NCLN: variants seen among roughly 807,000 people sequenced by gnomAD.
NCLN encodes the protein nicalin, also known as BOS complex subunit NCLN.
Under a neutral mutation model 69.5 loss-of-function variants are expected in NCLN, and 34 were observed. The ratio of observed to expected loss-of-function variants is 0.49; its 90% CI spans 0.37 to 0.65. NCLN has a LOEUF of 0.65. NCLN is among the 30% of genes least tolerant of loss of function. The pLI, the probability that NCLN is intolerant of heterozygous loss-of-function variation, is 0.00. For synonymous variants in NCLN, 393 were observed against 358.3 expected (o/e 1.10, Z -1.09); for missense variants, 710 against 804.8 (o/e 0.88, Z 1.42).
intron 1 of NCLN, among the ~76,000 whole-genome samples, chr19:3,189,670 G>A (rs950087360): frequency 1.3e-5 from 2 of 152,264 alleles, no homozygotes; most frequent in African/African-American, 4.8e-5. Context: ...TGAGGGAGTT[G>A]GTGCTGGTTT....
At position 3,207,962 on chromosome 19, in the gene NCLN, C is replaced by G. The variant is rs908665211; in HGVS notation, c.*274C>G. On this transcript the variant is annotated 3_prime_UTR_variant, in exon 15 of 15. Transcript: ENST00000246117. ...GCTACGGACTTGCGGACGAGCCCCC[C>G]AGTCCTGGGAGCCGGCCGCCCTCGG... is the stretch of plus-strand genomic sequence containing the variant. 3.0e-5 allele frequency: 15 copies of G among 492,328 alleles called. No individual in the cohort carries two copies. Among genetic ancestry groups the G allele is most frequent in the African/African-American group, 1.6e-4 (8 of 51,506 alleles). The allele number at this position is 492,328 out of a possible 1,614,324, so 30.5% of individuals were successfully genotyped here.
At chr19:3,198,515 A>C (rs1916032615) in intron 4 of NCLN, among the ~76,000 whole-genome samples, 1 of 150,900 alleles carries the variant, frequency 6.6e-6, no homozygotes, top group South Asian at 2.1e-4. Flanking sequence ...TCAAAAAAAA[A>C]AAAAAAAACA....
chr19:3,193,755 C>T, intron 3 of NCLN, among the ~76,000 whole-genome samples: 1 of 152,220 alleles, frequency 6.6e-6, no homozygotes, highest in East Asian at 1.9e-4. Flanking sequence ...GGCATCTGTT[C>T]AGTTCTCTAC....
intron 3 of NCLN, among the ~76,000 whole-genome samples, chr19:3,195,137 T>G (rs56971413): frequency 0.51 from 76,243 of 150,044 alleles, 20,103 homozygotes; most frequent in East Asian, 0.91. Flanking sequence ...AGCTGAGATC[T>G]TGCCATTGCA....
chr19:3,198,614 C>T (rs982553183), intron 4 of NCLN, among the ~76,000 whole-genome samples: 2 of 152,236 alleles, frequency 1.3e-5, no homozygotes, highest in African/African-American at 4.8e-5. Flanking sequence ...GTCCCTGTTC[C>T]CGGCTCTACC....
intron 7 of NCLN, 54 bp from the exon 8 acceptor site, chr19:3,203,951 C>T (rs996367703): frequency 8.4e-6 from 13 of 1,546,146 alleles, no homozygotes; most frequent in Non-Finnish European, 1.0e-5. Context: ...AGAGGGAGGG[C>T]CGGGGGCCAC....
Position 3,207,375 on chromosome 19 carries a change from C to T in NCLN, c.1554-16C>T, listed in dbSNP as rs370056814. Reference sequence around the variant, plus strand: ...GCGCACCATCCTCGACCTCAGGGACCCTGCTTTCTCCACAGAGTCAAGCCG... The same window carrying T: ...GCGCACCATCCTCGACCTCAGGGACTCTGCTTTCTCCACAGAGTCAAGCCG... On this transcript the variant is annotated splice_polypyrimidine_tract_variant and intron_variant, in intron 13 of 14. Transcript: ENST00000246117. 46 of 1,612,962 alleles carry T rather than the reference C, an allele frequency of 2.9e-5. No homozygotes were observed. Among genetic ancestry groups the T allele is most frequent in the Non-Finnish European group, 3.7e-5 (44 of 1,179,964 alleles).
chr19:3,189,356 G>A (rs771526967), intron 1 of NCLN, among the ~76,000 whole-genome samples: 1 of 152,256 alleles, frequency 6.6e-6, no homozygotes, highest in Non-Finnish European at 1.5e-5. Flanking sequence ...ACTGCAGCCT[G>A]TAGGTCACGT....
At chr19:3,192,759 C>A in intron 2 of NCLN, 99 bp downstream of exon 2, 1 of 1,139,784 alleles carries the variant, frequency 8.8e-7, no homozygotes, top group Non-Finnish European at 1.2e-6. Context: ...CCTCTCTGAG[C>A]CCTTTGGAAA....
intron 6 of NCLN, 108 bp from the exon 7 acceptor site, chr19:3,203,647 GC>G: frequency 2.1e-6 from 2 of 974,034 alleles, no homozygotes; most frequent in African/African-American, 3.3e-5. Context: ...AGGATTTCCT[GC>G]TTTGGGGAGA....
chr19:3,201,495 T>C (rs2144912573), intron 5 of NCLN, 28 bp from the exon 6 acceptor site: 1 of 1,519,222 alleles, frequency 6.6e-7, no homozygotes, highest in Non-Finnish European at 8.8e-7. Flanking sequence ...CGGGGGTGAC[T>C]GTGGCCTTGC....
rs138909623 is a variant in NCLN at position 3,192,501 on chromosome 19, G to A, written c.216G>A (p.Ala72=). 5.4e-5 allele frequency: 87 copies of A among 1,607,142 alleles called. No individual in the cohort carries two copies. The highest frequency in any genetic ancestry group is 6.4e-5 in the Non-Finnish European group (75 of 1,177,960). Residue 72 remains alanine, a synonymous_variant, in exon 2 of 15, where the codon GCG becomes GCA. Coordinates refer to ENST00000246117, the MANE Select transcript of NCLN (RefSeq NM_020170.4). The part of the protein sequence containing the change: ...GTRNAVLNTE[A]RTMAAEVLSR... ...GGAATGCAGTGCTGAACACGGAGGCGCGCACGATGGCGGCGGAGGTGCTGA... is the reference window on the plus strand; with the variant it reads ...GGAATGCAGTGCTGAACACGGAGGCACGCACGATGGCGGCGGAGGTGCTGA...
At chr19:3,190,747 GCGT>G (rs1568309617) in intron 1 of NCLN, among the ~76,000 whole-genome samples, 3 of 148,624 alleles carry the variant, frequency 2.0e-5, no homozygotes, top group African/African-American at 7.9e-5. Context: ...CGGCCCCCCT[GCGT>G]CAGGCCTGTA....
intron 6 of NCLN, among the ~76,000 whole-genome samples, chr19:3,202,470 C>T (rs1248440733): frequency 6.6e-6 from 1 of 152,202 alleles, no homozygotes; most frequent in African/African-American, 2.4e-5. Flanking sequence ...GACTGTGTCT[C>T]CTGTGCGGGG....
Position 3,192,473 on chromosome 19 carries a change from C to T in NCLN, c.188C>T (p.Thr63Ile). ...GACCCCGCCCCTGTGCCCACAGGCACACGGAATGCAGTGCTGAACACGGAG... is the reference window on the plus strand; with the variant it reads ...GACCCCGCCCCTGTGCCCACAGGCATACGGAATGCAGTGCTGAACACGGAG... Reference protein sequence around the residue: ...QYDLQGQPYGTRNAVLNTEAR... With the variant: ...QYDLQGQPYGIRNAVLNTEAR... The change falls in exon 2 of 15, where the codon ACA (threonine) becomes ATA (isoleucine). Residue 63 changes from threonine to isoleucine, a missense_variant. Physicochemically the swap from Thr to Ile is moderately conservative, Grantham distance 89 (BLOSUM62 -1). Coordinates refer to ENST00000246117, the MANE Select transcript of NCLN (RefSeq NM_020170.4). The T allele has an allele frequency of 1.3e-6, 2 of 1,592,590 alleles. No individual in the cohort carries two copies. The highest frequency in any genetic ancestry group is 1.7e-6 in the Non-Finnish European group (2 of 1,172,868).
At position 3,207,652 on chromosome 19, in the gene NCLN, C is replaced by G. The variant is rs552309078; in HGVS notation, c.1656C>G (p.Thr552=). The G allele has an allele frequency of 3.1e-6, 5 of 1,612,962 alleles. No homozygotes were observed. The Admixed American group carries it at 6.7e-5, about 21-fold the overall frequency. The change falls in exon 15 of 15, where the codon ACC becomes ACG. Residue 552 remains threonine, a synonymous_variant. Transcript: ENST00000246117. ...AVQHFSLLYK[T]VQRLLVKAKT... ...AGCACTTCAGCCTCCTCTACAAGAC[C>G]GTCCAGAGGCTGCTCGTGAAGGCCA...
chr19:3,204,090 C>T lies in NCLN; in HGVS notation c.975C>T (p.Ser325=), dbSNP rs764110220. ...GCAGCAGCCTGCACCTGCACGTGTCCAAGCCGCCTCGGGAGGGCACCCTGC... is the reference window on the plus strand; with the variant it reads ...GCAGCAGCCTGCACCTGCACGTGTCTAAGCCGCCTCGGGAGGGCACCCTGC... ...GRGSSLHLHV[S]KPPREGTLQH... Residue 325 remains serine (S), a synonymous_variant, in exon 8 of 15, where the codon TCC becomes TCT. Transcript: ENST00000246117. The T allele has an allele frequency of 3.3e-6, 5 of 1,536,200 alleles. No individual in the cohort carries two copies. Among genetic ancestry groups the T allele is most frequent in the Non-Finnish European group, 4.4e-6 (5 of 1,143,598 alleles).
chr19:3,204,729 C>A lies in NCLN; in HGVS notation c.1186C>A (p.Arg396Ser). The A allele has an allele frequency of 1.3e-6, 2 of 1,564,770 alleles. No individual in the cohort carries two copies. The highest frequency in any genetic ancestry group is 8.7e-7 in the Non-Finnish European group (1 of 1,154,592). Residue 396 changes from arginine to serine, a missense_variant, in exon 9 of 15, where the codon CGC (arginine) becomes AGC (serine). Transcript: ENST00000246117. Reference protein sequence around the residue: ...SHLESHRDGQRSSIMDVRSRV... With the variant: ...SHLESHRDGQSSSIMDVRSRV... ...CCTGGAGAGCCACCGTGACGGCCAG[C>A]GCAGCAGCATCATGGACGTGCGGTG...
At chr19:3,201,249 G>A (rs1157616726) in intron 5 of NCLN, among the ~76,000 whole-genome samples, 1 of 152,230 alleles carries the variant, frequency 6.6e-6, no homozygotes, top group African/African-American at 2.4e-5. Flanking sequence ...CGAGGTGGAT[G>A]AGGAGAGTCC....
Sources: allele counts gnomAD v4.1 joint callset (sites outside exome capture counted in the v4.1 genomes callset), GRCh38; gene constraint gnomAD v4.1.1; transcripts MANE v1.5; gene names NCBI Gene and HGNC (gene_info 2026-07-23, HGNC 2026-07-21).